Variants in MUC5B observed in about 807,000 individuals in gnomAD.
MUC5B encodes the protein mucin 5B, oligomeric mucus/gel-forming, also known as mucin-5B.
Under a neutral mutation model 376.9 loss-of-function variants are expected in MUC5B, and 116 were observed. That is an observed-to-expected ratio of 0.31 (90% CI 0.26 to 0.36). MUC5B has a LOEUF of 0.36. MUC5B is among the 10% of genes least tolerant of loss of function. The pLI is 1.00. For synonymous variants in MUC5B, 3,517 were observed against 3,390.9 expected, an observed-to-expected ratio of 1.04 and a Z score of -1.29; for missense variants, 7,165 against 7,769.9, an observed-to-expected ratio of 0.92 and a Z score of 2.93.
chr11:1,233,716 C>T (rs185773689), intron 18 of MUC5B, 77 bp from the exon 19 acceptor site: 23 of 1,444,102 alleles, frequency 1.6e-5, no homozygotes, highest in African/African-American at 4.2e-5. Context: ...CAGCGTTCGG[C>T]GGGGGCTCGG....
intron 1 of MUC5B, chr11:1,223,483 G>C: frequency 1.9e-6 from 1 of 521,402 alleles, no homozygotes; most frequent in East Asian, 3.6e-5. Context: ...TGGTCTTGGG[G>C]GTGGGACAGG....
Position 1,230,963 on chromosome 11 carries a change from G to C in MUC5B, c.1498G>C (p.Val500Leu). 2 of 1,597,692 alleles carry C rather than the reference G, an allele frequency of 1.3e-6. No homozygotes were observed. The highest frequency in any genetic ancestry group is 1.7e-6 in the Non-Finnish European group (2 of 1,173,616). The change falls in exon 13 of 49, where the codon GTG (valine) becomes CTG (leucine). Residue 500 changes from valine to leucine, a missense_variant. Val to Leu is a conservative substitution (Grantham distance 32). Coordinates refer to ENST00000529681, the MANE Select transcript of MUC5B (RefSeq NM_002458.3). Reference protein sequence around the residue: ...TAIRVQADGGVFLNSIYTQLP... With the variant: ...TAIRVQADGGLFLNSIYTQLP... ...CATCCGGGTCCAAGCGGACGGCGGC[G>C]TGTTCCTCAACTCCATCTACACGCA...
chr11:1,251,303 C>G lies in MUC5B; in HGVS notation c.14423C>G (p.Thr4808Arg). 4 of 1,611,866 alleles carry G rather than the reference C, an allele frequency of 2.5e-6. No homozygotes were observed. Among genetic ancestry groups the G allele is most frequent in the Non-Finnish European group, 3.4e-6 (4 of 1,178,518 alleles). ...TMTRATNSTA[T>R]PSSTLGTTRI... is the part of the protein sequence containing the mutation. The stretch of plus-strand genomic sequence containing the variant: ...ACAAGGGCCACCAATTCCACGGCCA[C>G]ACCCTCCTCCACTCTGGGGACGACC... The change falls in exon 31 of 49, where the codon ACA (threonine) becomes AGA (arginine). Residue 4808 changes from threonine to arginine, a missense_variant. By Grantham distance (71) the Thr-to-Arg change is moderately conservative. Around this residue, in one of 31 missense-constraint regions of MUC5B, gnomAD observed 730 missense variants for 592.7 expected, o/e 1.23. Coordinates refer to ENST00000529681, the MANE Select transcript of MUC5B (RefSeq NM_002458.3).
In MUC5B at chr11:1,244,775, T is replaced by G. The variant is rs1415663793; in HGVS notation, c.7895T>G (p.Val2632Gly). 1.9e-6 allele frequency: 3 copies of G among 1,612,212 alleles called. No individual in the cohort carries two copies. The highest frequency in any genetic ancestry group is 2.2e-5 in the South Asian group (2 of 90,978). Residue 2632 changes from valine (V) to glycine (G), a missense_variant, in exon 31 of 49, where the codon GTG (valine) becomes GGG (glycine). Physicochemically the swap from Val to Gly is moderately radical, Grantham distance 109. This residue lies in a region of MUC5B where 141 missense variants were observed against 111.2 expected (regional missense o/e 1.27). Transcript: ENST00000529681. Reference sequence around the variant, plus strand: ...CCAGGGACGGCACGCACGCTTCCAGTGTGGATCAGCACAACCACCACACCC... The same window carrying G: ...CCAGGGACGGCACGCACGCTTCCAGGGTGGATCAGCACAACCACCACACCC... The part of the protein sequence containing the change: ...SSPGTARTLP[V>G]WISTTTTPTT...
intron 4 of MUC5B, 29 bp from the exon 5 acceptor site, chr11:1,227,002 C>G (rs1343168672): frequency 5.0e-6 from 8 of 1,590,080 alleles, no homozygotes; most frequent in Non-Finnish European, 6.0e-6. Context: ...GAGAGCGGGG[C>G]CCAGGGAGAG....
rs1862284918 is a variant in MUC5B at position 1,241,591 on chromosome 11, C to G, written c.4711C>G (p.His1571Asp). The change falls in exon 31 of 49, where the codon CAC (histidine) becomes GAC (aspartate). Residue 1571 changes from histidine to aspartate, a missense_variant. By Grantham distance (81) the His-to-Asp change is moderately conservative. Around this residue, in one of 31 missense-constraint regions of MUC5B, gnomAD observed 25 missense variants for 46.5 expected, o/e 0.54. Coordinates refer to ENST00000529681, the MANE Select transcript of MUC5B (RefSeq NM_002458.3). ...QVGQKVHCDV[H>D]FGLVCRNWEQ... The stretch of plus-strand genomic sequence containing the variant: ...GGGGCAGAAGGTGCACTGTGACGTC[C>G]ACTTCGGCCTGGTGTGCAGGAACTG... The G allele has an allele frequency of 6.2e-7, 1 of 1,612,108 alleles. No individual in the cohort carries two copies. Among genetic ancestry groups the G allele is most frequent in the South Asian group, 1.1e-5 (1 of 90,986 alleles).
chr11:1,259,900 C>G (rs1213251635), intron 45 of MUC5B, 58 bp downstream of exon 45: 11 of 1,612,020 alleles, frequency 6.8e-6, no homozygotes, highest in Admixed American at 6.7e-5. Flanking sequence ...ACCCTCACCC[C>G]CAATGGGGCT....
Position 1,242,434 on chromosome 11 carries a change from G to C in MUC5B, c.5554G>C (p.Glu1852Gln), listed in dbSNP as rs764649735. 3 of 1,613,806 alleles carry C rather than the reference G, an allele frequency of 1.9e-6. No homozygotes were observed. The highest frequency in any genetic ancestry group is 1.6e-4 in the Middle Eastern group (1 of 6,062). The change falls in exon 31 of 49, where the codon GAG (glutamate) becomes CAG (glutamine). Residue 1852 changes from glutamate to glutamine, a missense_variant. Transcript: ENST00000529681. ...QVGQVLTCSL[E>Q]TGLTCKNEDQ... ...CGGGCAGGTGCTGACCTGCAGCCTG[G>C]AGACGGGGCTGACCTGCAAGAACGA...
chr11:1,259,897 C>A (rs1862952442), intron 45 of MUC5B, 55 bp downstream of exon 45: 4 of 1,612,074 alleles, frequency 2.5e-6, no homozygotes, highest in Non-Finnish European at 3.4e-6. Context: ...GAGACCCTCA[C>A]CCCCAATGGG....
Position 1,245,670 on chromosome 11 carries a change from G to A in MUC5B, c.8790G>A (p.Leu2930=). The change falls in exon 31 of 49, where the codon TTG becomes TTA. Residue 2930 remains leucine (L), a synonymous_variant. Transcript: ENST00000529681. ...AGCCTGGTGTCCCCCTGCGGGAGTT[G>A]GGCCAGGTCGTGGAATGCAGCCTGG... The part of the protein sequence containing the change: ...QAQPGVPLRE[L]GQVVECSLDF... The A allele has an allele frequency of 6.2e-7, 1 of 1,604,704 alleles. No homozygotes were observed. The highest frequency in any genetic ancestry group is 8.5e-7 in the Non-Finnish European group (1 of 1,176,342).
Position 1,232,456 on chromosome 11 carries a change from A to G in MUC5B, c.1850A>G (p.Tyr617Cys). The change falls in exon 16 of 49, where the codon TAC becomes TGC. Residue 617 changes from tyrosine (Y) to cysteine (C), a missense_variant. By Grantham distance (194) the Tyr-to-Cys change is radical. Transcript: ENST00000529681. ...PCSLSVENEN[Y>C]ARHWCSRLTD... ...GGTCAGGTCTTCCCCACAGAGAACT[A>G]CGCCCGGCACTGGTGCTCGCGCCTG... is the stretch of plus-strand genomic sequence containing the variant. The G allele has an allele frequency of 6.2e-7, 1 of 1,605,372 alleles. No individual in the cohort carries two copies. The highest frequency in any genetic ancestry group is 8.5e-7 in the Non-Finnish European group (1 of 1,176,874).
chr11:1,232,378 G>A, intron 15 of MUC5B, 72 bp from the exon 16 acceptor site: 1 of 1,489,372 alleles, frequency 6.7e-7, no homozygotes, highest in Non-Finnish European at 9.1e-7. Flanking sequence ...GGCTGAGGGG[G>A]TCGCAGGCCT....
chr11:1,230,216 G>A (rs1041451997), intron 11 of MUC5B, 73 bp downstream of exon 11: 1 of 1,514,284 alleles, frequency 6.6e-7, no homozygotes, highest in Non-Finnish European at 8.8e-7. Flanking sequence ...ACCCAGGGGA[G>A]GCCCCCACGA....
intron 14 of MUC5B, 134 bp downstream of exon 14, chr11:1,231,694 T>C (rs1200333709): frequency 2.5e-6 from 3 of 1,190,550 alleles, no homozygotes; most frequent in African/African-American, 1.5e-5. Flanking sequence ...ATGGCGGAGA[T>C]CCTGGTGCCA....
chr11:1,236,281 G>A (rs1347646657), intron 23 of MUC5B, 105 bp from the exon 24 acceptor site: 26 of 1,147,402 alleles, frequency 2.3e-5, no homozygotes, highest in Non-Finnish European at 2.8e-5. Context: ...CTTGTGCTAA[G>A]AGCCCGTGCG....
chr11:1,233,627 AG>A lies in MUC5B; in HGVS notation c.2322-162del, dbSNP rs1862085131. The stretch of plus-strand genomic sequence containing the variant: ...TGTGTGTATTTACCCATGTGCCTCC[AG>A]GGGATTTGGGGGCTCCCAGCAAACA... On this transcript the variant is annotated intron_variant, in intron 18 of 48. Transcript: ENST00000529681. 5.3e-5 allele frequency among the ~76,000 whole-genome samples: 8 copies of A among 151,934 alleles called. 1 individual carries two copies. The South Asian group carries it at 1.7e-3, about 31-fold the overall frequency.
rs777387176 is a variant in MUC5B at position 1,242,997 on chromosome 11, C to T, written c.6117C>T (p.Pro2039=). The T allele has an allele frequency of 2.9e-5, 46 of 1,613,166 alleles. No homozygotes were observed. The Admixed American group carries it at 7.3e-4, about 26-fold the overall frequency. ...TTGATGSVAT[P]SSTPGTAHTT... is the part of the protein sequence containing the mutation. ...GGGCCACCGGCTCTGTGGCCACCCC[C>T]TCCTCCACCCCAGGAACAGCTCACA... Residue 2039 remains proline, a synonymous_variant, in exon 31 of 49, where the codon CCC becomes CCT. Coordinates refer to ENST00000529681, the MANE Select transcript of MUC5B (RefSeq NM_002458.3).
Position 1,227,051 on chromosome 11 carries a change from G to C in MUC5B, c.482G>C (p.Arg161Pro). ...CGCAGGGAGGAGCTGCCTTACAGCC[G>C]CACTGGCCTCCTGGTGGAGCAGAGC... is the stretch of plus-strand genomic sequence containing the variant. ...NGQREELPYS[R>P]TGLLVEQSGD... The change falls in exon 5 of 49, where the codon CGC becomes CCC. Residue 161 changes from arginine (R) to proline (P), a missense_variant. Arg to Pro is a moderately radical substitution (Grantham distance 103). Around this residue, in one of 31 missense-constraint regions of MUC5B, gnomAD observed 640 missense variants for 733.0 expected, o/e 0.87. Transcript: ENST00000529681. The C allele has an allele frequency of 6.2e-7, 1 of 1,611,380 alleles. No homozygotes were observed. Among genetic ancestry groups the C allele is most frequent in the Non-Finnish European group, 8.5e-7 (1 of 1,179,148 alleles).
intron 24 of MUC5B, 108 bp downstream of exon 24, chr11:1,236,670 C>G: frequency 7.9e-7 from 1 of 1,266,090 alleles, no homozygotes; most frequent in Non-Finnish European, 1.1e-6. Context: ...GGTGCGTGAG[C>G]CTGGCTGGTG....
Sources: gnomAD v4.1 joint callset for allele counts (sites outside exome capture counted in the v4.1 genomes callset) on GRCh38, gnomAD v4.1.1 for gene constraint, gnomAD v4.1.1 regional missense constraint, MANE v1.5 for transcripts, NCBI Gene and HGNC (gene_info 2026-07-23, HGNC 2026-07-21) for gene names.